The following PRLR variants were observed in gnomAD, a reference collection of about 807,000 sequenced individuals.
PRLR encodes prolactin receptor, also known as hPRL receptor.
PRLR carries 13 observed loss-of-function variants against 40.2 expected under a neutral mutation model. The ratio of observed to expected loss-of-function variants is 0.32; its 90% CI spans 0.21 to 0.51. The LOEUF (loss-of-function observed/expected upper bound fraction) is 0.51. PRLR is among the 20% of genes least tolerant of loss of function. The pLI is 0.97. For missense variants in PRLR, 656 were observed against 747.3 expected (o/e 0.88, Z 1.42); for synonymous variants, 269 against 278.7 (o/e 0.97, Z 0.35).
intron 1 of PRLR, among the ~76,000 whole-genome samples, chr5:35,228,128 T>C (rs1776596348): frequency 6.6e-6 from 1 of 151,056 alleles, no homozygotes; most frequent in Non-Finnish European, 1.5e-5. Flanking sequence ...AGCATGAGAC[T>C]ATTGAACACT....
chr5:35,192,778 A>T (rs1775641161), intron 1 of PRLR, among the ~76,000 whole-genome samples: 1 of 152,224 alleles, frequency 6.6e-6, no homozygotes, highest in African/African-American at 2.4e-5. Flanking sequence ...TATCTTTCAC[A>T]TAGAAAGTTT....
At chr5:35,074,624 A>C (rs1403799780) in intron 5 of PRLR, among the ~76,000 whole-genome samples, 1 of 151,808 alleles carries the variant, frequency 6.6e-6, no homozygotes, top group East Asian at 1.9e-4. Flanking sequence ...GTGGATGTGA[A>C]GTTTTCATTG....
At chr5:35,225,767 C>T (rs1407077919) in intron 1 of PRLR, among the ~76,000 whole-genome samples, 1 of 152,176 alleles carries the variant, frequency 6.6e-6, no homozygotes, top group Non-Finnish European at 1.5e-5. Flanking sequence ...CTGCAACCTC[C>T]GCCTCCCGGG....
At chr5:35,185,048 A>T (rs187342018) in intron 1 of PRLR, among the ~76,000 whole-genome samples, 33 of 152,362 alleles carry the variant, frequency 2.2e-4, no homozygotes, top group African/African-American at 7.2e-4. Context: ...TAGAAAAACA[A>T]CTTGTAGGAC....
intron 1 of PRLR, among the ~76,000 whole-genome samples, chr5:35,123,626 A>C (rs946302540): frequency 2.6e-5 from 4 of 152,200 alleles, no homozygotes; most frequent in Admixed American, 2.6e-4. Context: ...AGAAAATCTA[A>C]GTTCTGTTTC....
At chr5:35,143,208 T>C (rs1289452967) in intron 1 of PRLR, among the ~76,000 whole-genome samples, 2 of 152,268 alleles carry the variant, frequency 1.3e-5, no homozygotes, top group Non-Finnish European at 2.9e-5. Context: ...AGGGTCTTTG[T>C]TGCAACTATA....
At chr5:35,098,577 T>C (rs77742785) in intron 2 of PRLR, among the ~76,000 whole-genome samples, 4,298 of 152,356 alleles carry the variant, frequency 0.028, 102 homozygotes, top group Middle Eastern at 0.1. Context: ...GTGTATATTA[T>C]ATACGTGTGT....
intron 1 of PRLR, among the ~76,000 whole-genome samples, chr5:35,118,994 C>T (rs1477434981): frequency 6.6e-6 from 1 of 152,008 alleles, no homozygotes; most frequent in Non-Finnish European, 1.5e-5. Context: ...TGGGGTTTTG[C>T]CATGTTGGCC....
At chr5:35,128,386 C>G (rs533980092) in intron 1 of PRLR, among the ~76,000 whole-genome samples, 10 of 151,346 alleles carry the variant, frequency 6.6e-5, no homozygotes, top group African/African-American at 2.2e-4. Context: ...CTATTCACAT[C>G]CTCCCATATA....
At chr5:35,191,748 T>C (rs1443589450) in intron 1 of PRLR, among the ~76,000 whole-genome samples, 1 of 152,202 alleles carries the variant, frequency 6.6e-6, no homozygotes, top group Non-Finnish European at 1.5e-5. Flanking sequence ...ACACAGACAC[T>C]GTATCTTTCA....
intron 2 of PRLR, among the ~76,000 whole-genome samples, chr5:35,096,989 G>T (rs576282811): frequency 3.9e-5 from 6 of 152,120 alleles, no homozygotes; most frequent in African/African-American, 1.4e-4. Context: ...GAGCCCACTT[G>T]GAAGGACATG....
At chr5:35,188,720 C>T (rs1411063231) in intron 1 of PRLR, among the ~76,000 whole-genome samples, 5 of 152,132 alleles carry the variant, frequency 3.3e-5, no homozygotes, top group Non-Finnish European at 5.9e-5. Flanking sequence ...AAATTACTGG[C>T]GAGGCCACAC....
At chr5:35,144,255 G>T (rs1406469498) in intron 1 of PRLR, among the ~76,000 whole-genome samples, 1 of 151,642 alleles carries the variant, frequency 6.6e-6, no homozygotes. Flanking sequence ...ATAGATATTT[G>T]TAAATGAACA....
At position 35,155,046 on chromosome 5, in the gene PRLR, A is replaced by T. The variant is rs28537239; in HGVS notation, c.-105-36924T>A. Among the ~76,000 whole-genome samples, 382 of 152,180 alleles carry T rather than the reference A, an allele frequency of 2.5e-3. 2 individuals are homozygous for T. Among genetic ancestry groups the T allele is most frequent in the African/African-American group, 8.9e-3 (367 of 41,462 alleles). ...AGAATAGCTAATGGATGCTGGGCTTAATACCTACATGATGGGAGGATCTGT... is the reference window on the plus strand; with the variant it reads ...AGAATAGCTAATGGATGCTGGGCTTTATACCTACATGATGGGAGGATCTGT... On this transcript the variant is annotated intron_variant, in intron 1 of 9. Coordinates refer to ENST00000618457, the MANE Select transcript of PRLR (RefSeq NM_000949.7).
chr5:35,145,713 C>T (rs79642114), intron 1 of PRLR, among the ~76,000 whole-genome samples: 5,417 of 152,298 alleles, frequency 0.036, 104 homozygotes, highest in Non-Finnish European at 0.045. Flanking sequence ...GTGCCTAGCT[C>T]ATGTCAGGCC....
chr5:35,172,172 T>C (rs2111947199), intron 1 of PRLR, among the ~76,000 whole-genome samples: 1 of 152,302 alleles, frequency 6.6e-6, no homozygotes, highest in South Asian at 2.1e-4. Flanking sequence ...CAGGACACAG[T>C]GAACATTCAG....
chr5:35,086,559 T>TGG (rs1438615579), intron 3 of PRLR, among the ~76,000 whole-genome samples: 2 of 145,316 alleles, frequency 1.4e-5, no homozygotes, highest in African/African-American at 5.6e-5. Context: ...AGCATTTTGC[T>TGG]GGTGTGTGTG....
chr5:35,108,168 C>T (rs1403391646), intron 2 of PRLR, among the ~76,000 whole-genome samples: 2 of 152,160 alleles, frequency 1.3e-5, no homozygotes, highest in Non-Finnish European at 2.9e-5. Context: ...CAACAAAATT[C>T]AACACCCCTT....
At chr5:35,148,076 G>A (rs764486824) in intron 1 of PRLR, among the ~76,000 whole-genome samples, 3 of 152,148 alleles carry the variant, frequency 2.0e-5, no homozygotes, top group Non-Finnish European at 4.4e-5. Flanking sequence ...ATGAACTTCA[G>A]AGGTGTTTTG....
Sources: gnomAD v4.1 joint callset for allele counts (sites outside exome capture counted in the v4.1 genomes callset) on GRCh38, gnomAD v4.1.1 for gene constraint, MANE v1.5 for transcripts, NCBI Gene and HGNC (gene_info 2026-07-23, HGNC 2026-07-21) for gene names.